Variants in SYNE1 observed in about 807,000 individuals in gnomAD.
SYNE1 encodes the protein nesprin-1.
SYNE1 carries 616 observed loss-of-function variants against 1,111.0 expected under a neutral mutation model. That is an observed-to-expected ratio of 0.55 (90% CI 0.52 to 0.59). The LOEUF (loss-of-function observed/expected upper bound fraction) is 0.59, where lower values mean the gene tolerates loss of function less well. SYNE1 is among the 20% of genes least tolerant of loss of function. SYNE1 has a pLI of 0.00. For missense variants in SYNE1, 10,006 were observed against 10,417.0 expected (o/e 0.96, Z 1.72); for synonymous variants, 3,855 against 3,825.8 (o/e 1.01, Z -0.28).
At chr6:152,464,965 C>T (rs1219250059) in intron 18 of SYNE1, 1 of 449,774 alleles carries the variant, frequency 2.2e-6, no homozygotes, top group East Asian at 4.6e-5. Flanking sequence ...TCTCTTAAAT[C>T]AGGAAATCCA....
At chr6:152,159,885 A>G (rs1043582287) in intron 131 of SYNE1, among the ~76,000 whole-genome samples, 2 of 152,204 alleles carry the variant, frequency 1.3e-5, no homozygotes, top group African/African-American at 4.8e-5. Context: ...AAACTTCTAC[A>G]TGGCTGACTG....
chr6:152,195,885 C>A (rs140899974), intron 127 of SYNE1, among the ~76,000 whole-genome samples: 1 of 145,104 alleles, frequency 6.9e-6, no homozygotes, highest in East Asian at 2.0e-4. Flanking sequence ...CAATGAGCTC[C>A]CCCTGGCCCC....
In SYNE1 at chr6:152,330,739, G is replaced by A. The variant is rs1359317873; in HGVS notation, c.13946C>T (p.Pro4649Leu). Residue 4649 changes from proline (P) to leucine (L), a missense_variant, in exon 78 of 146, where the codon CCT becomes CTT. Physicochemically the swap from Pro to Leu is moderately conservative, Grantham distance 98 (BLOSUM62 -3). This residue lies in a region of SYNE1 where 4,955 missense variants were observed against 5,017.2 expected (regional missense o/e 0.99). Transcript: ENST00000367255. Reference protein sequence around the residue: ...SYLSEKLNALPRQFNVIVALA... With the variant: ...SYLSEKLNALLRQFNVIVALA... ...GGCAACAATTACATTAAATTGTCGA[G>A]GCAAAGCATTTAGCTTTTCACTGAG... 3 of 1,613,974 alleles carry A rather than the reference G, an allele frequency of 1.9e-6. No individual in the cohort carries two copies. The highest frequency in any genetic ancestry group is 2.5e-6 in the Non-Finnish European group (3 of 1,180,042).
intron 105 of SYNE1, among the ~76,000 whole-genome samples, chr6:152,247,727 T>TTTTATATATATATA (rs1193626300): frequency 1.7e-5 from 2 of 117,768 alleles, no homozygotes; most frequent in Admixed American, 9.2e-5. Flanking sequence ...ATATTTTTTA[T>TTTTATATATATATA]TATATATATA....
intron 138 of SYNE1, 56 bp from the exon 139 acceptor site, chr6:152,141,385 C>T: frequency 1.2e-6 from 2 of 1,608,618 alleles, no homozygotes; most frequent in Non-Finnish European, 1.7e-6. Context: ...AGTGCAAAAG[C>T]TTCCGGGGAA....
At chr6:152,145,547 T>C in intron 137 of SYNE1, 2 of 1,614,008 alleles carry the variant, frequency 1.2e-6, no homozygotes, top group South Asian at 1.1e-5. Flanking sequence ...CTTTCGGGGA[T>C]CATTACATCT....
At chr6:152,175,231 T>C (rs959648705) in intron 130 of SYNE1, among the ~76,000 whole-genome samples, 11 of 152,216 alleles carry the variant, frequency 7.2e-5, no homozygotes, top group African/African-American at 2.6e-4. Flanking sequence ...AAAGTTGATA[T>C]ACATTTATTC....
At chr6:152,215,587 T>G (rs940165979) in intron 121 of SYNE1, among the ~76,000 whole-genome samples, 2 of 152,212 alleles carry the variant, frequency 1.3e-5, no homozygotes, top group African/African-American at 4.8e-5. Flanking sequence ...CCATTTACGT[T>G]TAATTTGTTC....
intron 117 of SYNE1, among the ~76,000 whole-genome samples, chr6:152,223,649 A>G (rs937768052): frequency 3.0e-4 from 40 of 134,458 alleles, no homozygotes; most frequent in South Asian, 1.0e-3. Context: ...AGGGAAGGAG[A>G]GGGGAAGGGA....
intron 3 of SYNE1, among the ~76,000 whole-genome samples, chr6:152,588,741 G>T (rs1029165324): frequency 1.3e-5 from 2 of 152,132 alleles, no homozygotes; most frequent in African/African-American, 4.8e-5. Context: ...GGCACATTTT[G>T]AAGTCTTCTA....
In SYNE1 at chr6:152,407,154, T is replaced by C. The variant is rs1478930812; in HGVS notation, c.6583A>G (p.Ser2195Gly). 6.2e-7 allele frequency: 1 copy of C among 1,614,004 alleles called. No homozygotes were observed. The highest frequency in any genetic ancestry group is 1.3e-5 in the African/African-American group (1 of 74,912). The change falls in exon 45 of 146, where the codon AGC becomes GGC. Residue 2195 changes from serine (S) to glycine (G), a missense_variant. Physicochemically the swap from Ser to Gly is moderately conservative, Grantham distance 56. Around this residue, in one of 7 missense-constraint regions of SYNE1, gnomAD observed 4,955 missense variants for 5,017.2 expected, o/e 0.99. Transcript: ENST00000367255. ...LEENMDRLRV[S>G]LSIWDDVLST... is the part of the protein sequence containing the mutation. ...AGTACATCATCCCAAATGGACAGGC[T>C]TACTCTCAGCCTATCCATGTTTTCT...
At chr6:152,250,834 T>C (rs530675112) in intron 104 of SYNE1, among the ~76,000 whole-genome samples, 1 of 152,348 alleles carries the variant, frequency 6.6e-6, no homozygotes, top group South Asian at 2.1e-4. Flanking sequence ...TATCTACATA[T>C]GTGTGTATAG....
chr6:152,369,910 G>T, intron 59 of SYNE1, among the ~76,000 whole-genome samples: 1 of 145,430 alleles, frequency 6.9e-6, no homozygotes, highest in Non-Finnish European at 1.5e-5. Flanking sequence ...TTGAATCCAG[G>T]AGGCAGAGGT....
intron 60 of SYNE1, 98 bp from the exon 61 acceptor site, chr6:152,369,225 A>C: frequency 3.3e-6 from 5 of 1,507,412 alleles, no homozygotes; most frequent in Middle Eastern, 2.3e-4. Context: ...ACTGGCAGGC[A>C]GTCCGTGTAC....
chr6:152,282,149 A>C (rs1372198976), intron 96 of SYNE1, 169 bp from the exon 97 acceptor site: 1 of 677,552 alleles, frequency 1.5e-6, no homozygotes, highest in African/African-American at 1.8e-5. Context: ...CAGAATTTCT[A>C]GGGGTGAGTC....
At chr6:152,274,171 T>C (rs961157053) in intron 98 of SYNE1, among the ~76,000 whole-genome samples, 18 of 152,320 alleles carry the variant, frequency 1.2e-4, no homozygotes, top group African/African-American at 3.6e-4. Context: ...TCTACTTCTG[T>C]TCAGTTTTAG....
At chr6:152,547,056 C>T (rs920010941) in intron 3 of SYNE1, 49 of 152,356 alleles carry the variant, frequency 3.2e-4, no homozygotes, top group African/African-American at 1.1e-3. Flanking sequence ...GTGAGCCGCC[C>T]TGGACCTGCC....
chr6:152,609,207 C>T (rs2099624457), intron 3 of SYNE1, among the ~76,000 whole-genome samples: 1 of 152,034 alleles, frequency 6.6e-6, no homozygotes, highest in Non-Finnish European at 1.5e-5. Flanking sequence ...GGGGGATTTC[C>T]CTTTCTTAGC....
chr6:152,340,539 C>T (rs751591622), intron 74 of SYNE1, among the ~76,000 whole-genome samples: 8 of 152,206 alleles, frequency 5.3e-5, no homozygotes, highest in Non-Finnish European at 8.8e-5. Flanking sequence ...CAACCAACAA[C>T]GTGTTCAGAC....
Sources: gnomAD v4.1 joint callset for allele counts (sites outside exome capture counted in the v4.1 genomes callset) on GRCh38, gnomAD v4.1.1 for gene constraint, gnomAD v4.1.1 regional missense constraint, MANE v1.5 for transcripts, NCBI Gene and HGNC (gene_info 2026-07-23, HGNC 2026-07-21) for gene names.